The following PDLIM5 variants were observed in gnomAD, a reference collection of about 807,000 sequenced individuals.
The protein encoded by PDLIM5 is PDZ and LIM domain 5.
Under a neutral mutation model 64.2 loss-of-function variants are expected in PDLIM5, and 34 were observed. The observed-to-expected ratio is 0.53, with a 90% CI of 0.40 to 0.71. The LOEUF (loss-of-function observed/expected upper bound fraction) is 0.71, where lower values mean the gene tolerates loss of function less well. Ranked by LOEUF, PDLIM5 falls within the 30% of genes least tolerant of loss-of-function variation. PDLIM5 has a pLI of 0.00. For synonymous variants in PDLIM5, 253 were observed against 269.1 expected (o/e 0.94, Z 0.59); for missense variants, 683 against 733.6 (o/e 0.93, Z 0.80).
chr4:94,536,126 G>T (rs57386022), intron 3 of PDLIM5, among the ~76,000 whole-genome samples: 2 of 152,030 alleles, frequency 1.3e-5, no homozygotes, highest in Non-Finnish European at 2.9e-5. Flanking sequence ...GAGTTGGGAC[G>T]CACAGACCAA....
At chr4:94,506,875 CG>C (rs1461264392) in intron 2 of PDLIM5, among the ~76,000 whole-genome samples, 3 of 152,108 alleles carry the variant, frequency 2.0e-5, no homozygotes, top group Non-Finnish European at 4.4e-5. Context: ...CTGCCAGCAC[CG>C]CTAGAACAAA....
chr4:94,512,025 ATT>A (rs879520279), intron 2 of PDLIM5, among the ~76,000 whole-genome samples: 1 of 142,402 alleles, frequency 7.0e-6, no homozygotes, highest in Admixed American at 7.1e-5. Flanking sequence ...CAGTGGCTCT[ATT>A]TTTTTTTTTT....
chr4:94,545,729 A>G (rs1361373170), intron 3 of PDLIM5, among the ~76,000 whole-genome samples: 2 of 152,156 alleles, frequency 1.3e-5, no homozygotes, highest in Non-Finnish European at 2.9e-5. Context: ...GTGCTGAATA[A>G]AACAAACTGC....
intron 3 of PDLIM5, among the ~76,000 whole-genome samples, chr4:94,538,679 A>G (rs35476851): frequency 1.3e-5 from 2 of 152,198 alleles, no homozygotes; most frequent in Non-Finnish European, 2.9e-5. Flanking sequence ...AAATACCATA[A>G]CTATTAAAGA....
intron 2 of PDLIM5, among the ~76,000 whole-genome samples, chr4:94,512,297 G>C (rs890885606): frequency 6.6e-6 from 1 of 152,070 alleles, no homozygotes; most frequent in African/African-American, 2.4e-5. Context: ...GGGATTACAG[G>C]CATGAGCCAC....
chr4:94,582,296 T>C (rs1398673923), intron 5 of PDLIM5, among the ~76,000 whole-genome samples: 3 of 152,214 alleles, frequency 2.0e-5, no homozygotes, highest in Non-Finnish European at 2.9e-5. Context: ...ATCTGATTGC[T>C]TTCTGTCCTT....
chr4:94,614,055 C>T (rs537137387), intron 7 of PDLIM5, among the ~76,000 whole-genome samples: 58 of 150,730 alleles, frequency 3.8e-4, no homozygotes, highest in Non-Finnish European at 6.5e-4. Flanking sequence ...CTCCGCCTCG[C>T]GGGTTCAAGT....
At chr4:94,488,664 T>C (rs1466496287) in intron 2 of PDLIM5, among the ~76,000 whole-genome samples, 1 of 152,200 alleles carries the variant, frequency 6.6e-6, no homozygotes, top group African/African-American at 2.4e-5. Context: ...AAAAACCTGA[T>C]TCTGTACCTA....
Position 94,664,566 on chromosome 4 carries a change from A to C in PDLIM5, c.*499A>C. On this transcript the variant is annotated 3_prime_UTR_variant, in exon 13 of 13. Transcript: ENST00000317968. Reference sequence around the variant, plus strand: ...GAGAATTTTATCAGTAATAGGTGTCAGTTTTTAAAAAATTGCTTGTAGGCT... The same window carrying C: ...GAGAATTTTATCAGTAATAGGTGTCCGTTTTTAAAAAATTGCTTGTAGGCT... The C allele has an allele frequency of 2.3e-6, 2 of 868,768 alleles. No homozygotes were observed. Among genetic ancestry groups the C allele is most frequent in the Non-Finnish European group, 2.8e-6 (2 of 723,734 alleles). 53.8% of individuals were successfully genotyped at this position (868,768 alleles called of 1,614,324 possible).
chr4:94,545,608 T>A (rs997553279), intron 3 of PDLIM5, among the ~76,000 whole-genome samples: 11 of 152,234 alleles, frequency 7.2e-5, no homozygotes, highest in African/African-American at 2.4e-4. Context: ...GGTCACTGTT[T>A]CTTCTTAAGA....
intron 7 of PDLIM5, among the ~76,000 whole-genome samples, chr4:94,589,918 G>A (rs546996649): frequency 4.1e-4 from 3 of 7,312 alleles, no homozygotes; most frequent in Non-Finnish European, 7.5e-4. Context: ...GGGATTACAG[G>A]TGTGCACCAC....
intron 2 of PDLIM5, among the ~76,000 whole-genome samples, chr4:94,508,824 T>C (rs570931604): frequency 2.8e-4 from 42 of 152,340 alleles, no homozygotes; most frequent in Admixed American, 8.5e-4. Flanking sequence ...CAACCTAATA[T>C]GACTTTTGGC....
At chr4:94,601,643 A>T (rs1189849085) in intron 7 of PDLIM5, among the ~76,000 whole-genome samples, 1 of 152,154 alleles carries the variant, frequency 6.6e-6, no homozygotes, top group Non-Finnish European at 1.5e-5. Flanking sequence ...AGCCTCTAAG[A>T]TCCAGTCCTC....
chr4:94,523,626 A>G, intron 2 of PDLIM5, 98 bp from the exon 3 acceptor site: 1 of 779,162 alleles, frequency 1.3e-6, no homozygotes. Context: ...TCAATAGTAT[A>G]TTAATATACT....
At chr4:94,550,981 C>A (rs113483532) in intron 3 of PDLIM5, among the ~76,000 whole-genome samples, 297 of 152,080 alleles carry the variant, frequency 2.0e-3, no homozygotes, top group African/African-American at 6.9e-3. Flanking sequence ...AGAATAAAAG[C>A]TTGAACTTAA....
intron 3 of PDLIM5, among the ~76,000 whole-genome samples, chr4:94,551,010 A>G (rs1231882458): frequency 6.6e-6 from 1 of 152,182 alleles, no homozygotes; most frequent in Non-Finnish European, 1.5e-5. Flanking sequence ...TTTAAAATTC[A>G]AAAGGAAAGG....
At chr4:94,577,531 ATG>A (rs1400214427) in intron 5 of PDLIM5, 1 of 312,918 alleles carries the variant, frequency 3.2e-6, no homozygotes, top group Non-Finnish European at 6.2e-6. Context: ...TGTTTCTTTC[ATG>A]TGAGGAAGAG....
chr4:94,565,886 T>C (rs571073202), intron 3 of PDLIM5, among the ~76,000 whole-genome samples: 12 of 152,222 alleles, frequency 7.9e-5, no homozygotes, highest in Non-Finnish European at 1.6e-4. Flanking sequence ...TAGGCAGATA[T>C]ATTATGTATC....
rs375114900 is a variant in PDLIM5, at chr4:94,563,780, T to A, written c.249-9571T>A. Among the ~76,000 whole-genome samples, 5 of 152,162 alleles carry A rather than the reference T, an allele frequency of 3.3e-5. No individual in the cohort carries two copies. The East Asian group carries it at 7.7e-4, about 23-fold the overall frequency. ...GATATTTTGTTGTTTTCTATTTGTG[T>A]TTTGTTCATCACAATATATTTAAGA... is the stretch of plus-strand genomic sequence containing the variant. On this transcript the variant is annotated intron_variant, in intron 3 of 12. Transcript: ENST00000317968.
Sources: allele counts gnomAD v4.1 joint callset (sites outside exome capture counted in the v4.1 genomes callset), GRCh38; gene constraint gnomAD v4.1.1; transcripts MANE v1.5; gene names NCBI Gene and HGNC (gene_info 2026-07-23, HGNC 2026-07-21).